PRKCE: variants seen among roughly 807,000 people sequenced by gnomAD.
The protein encoded by PRKCE is protein kinase C epsilon type.
In PRKCE, 16 loss-of-function variants were observed where a neutral mutation model predicts 85.4. The observed-to-expected ratio is 0.19, with a 90% CI of 0.13 to 0.28. The LOEUF is 0.28. Ranked by LOEUF, PRKCE falls within the 10% of genes least tolerant of loss-of-function variation. PRKCE has a pLI of 1.00. For synonymous variants in PRKCE, 388 were observed against 371.5 expected (o/e 1.04, Z -0.51); for missense variants, 573 against 975.2 (o/e 0.59, Z 5.49).
chr2:46,159,707 G>C lies in PRKCE; in HGVS notation c.2022G>C (p.Val674=), dbSNP rs746213677. 1.3e-6 allele frequency: 2 copies of C among 1,599,192 alleles called. No individual in the cohort carries two copies. The highest frequency in any genetic ancestry group is 2.7e-5 in the African/African-American group (2 of 74,910). The change falls in exon 14 of 15, where the codon GTG becomes GTC. Residue 674 remains valine (V), a synonymous_variant. Transcript: ENST00000306156. The surrounding 1 kb of genome is among the most constrained non-coding windows in gnomAD (Gnocchi z 4.1). ...CATTCTTCAAAGAGATTGACTGGGT[G>C]CTCCTGGAGCAGAAGAAGATCAAGC... ...QHPFFKEIDW[V]LLEQKKIKPP...
chr2:45,891,765 A>G (rs936808946), intron 2 of PRKCE, among the ~76,000 whole-genome samples: 3 of 152,180 alleles, frequency 2.0e-5, no homozygotes, highest in Non-Finnish European at 2.9e-5. Flanking sequence ...CCTTCTTCTC[A>G]GTCACAAGGC....
intron 2 of PRKCE, among the ~76,000 whole-genome samples, chr2:45,844,518 A>G (rs1691622396): frequency 6.6e-6 from 1 of 152,220 alleles, no homozygotes; most frequent in Non-Finnish European, 1.5e-5. Context: ...TAAGAATTAG[A>G]GCAAGCAGTG....
chr2:46,151,179 G>A lies in PRKCE; in HGVS notation c.1870G>A (p.Val624Met), dbSNP rs1310509472. 2.5e-6 allele frequency: 4 copies of A among 1,599,530 alleles called. No homozygotes were observed. The highest frequency in any genetic ancestry group is 4.5e-5 in the East Asian group (2 of 44,862). ...DLFESILHDD[V>M]LYPVWLSKEA... is the part of the protein sequence containing the mutation. ...ATTTGAGTCCATCCTCCATGACGACGTGCTGTACCCAGTCTGGCTCAGCAA... is the reference window on the plus strand; with the variant it reads ...ATTTGAGTCCATCCTCCATGACGACATGCTGTACCCAGTCTGGCTCAGCAA... Residue 624 changes from valine to methionine, a missense_variant, in exon 13 of 15, where the codon GTG becomes ATG. Physicochemically the swap from Val to Met is conservative, Grantham distance 21. Transcript: ENST00000306156.
chr2:46,173,437 C>T lies in PRKCE; in HGVS notation c.2068-11298C>T, dbSNP rs181935770. Among the ~76,000 whole-genome samples, 134 of 152,312 alleles carry T rather than the reference C, an allele frequency of 8.8e-4. 1 individual carries two copies. Among genetic ancestry groups the T allele is most frequent in the Admixed American group, 3.0e-3 (46 of 15,298 alleles). On this transcript the variant is annotated intron_variant, in intron 14 of 14. Coordinates refer to ENST00000306156, the MANE Select transcript of PRKCE (RefSeq NM_005400.3). ...CATTTAAGAAGCTTACTTTATATTC[C>T]TTACTTTTGCTTACAAATGATTGAG...
chr2:45,652,226 T>A lies in PRKCE; in HGVS notation c.126T>A (p.Ile42=), dbSNP rs753437715. ...RPQTFLLDPY[I]ALNVDDSRIG... is the part of the protein sequence containing the mutation. ...AGACTTTCCTTCTCGACCCCTACAT[T>A]GCCCTCAATGTGGACGACTCGCGCA... Residue 42 remains isoleucine (I), a synonymous_variant, in exon 1 of 15, where the codon ATT becomes ATA. Coordinates refer to ENST00000306156, the MANE Select transcript of PRKCE (RefSeq NM_005400.3). The surrounding 1 kb of genome is among the most constrained non-coding windows in gnomAD (Gnocchi z 7.7). 6.2e-7 allele frequency: 1 copy of A among 1,613,494 alleles called. No homozygotes were observed. The highest frequency in any genetic ancestry group is 8.5e-7 in the Non-Finnish European group (1 of 1,179,972).
Position 46,145,035 on chromosome 2 carries a change from G to A in PRKCE, c.1593-58G>A, listed in dbSNP as rs10495929. The A allele has an allele frequency of 0.14, 226,559 of 1,589,126 alleles. 17,133 individuals carry two copies. Among genetic ancestry groups the A allele is most frequent in the Middle Eastern group, 0.2 (1,230 of 6,020 alleles). ...AAGATAGGCACATACCTCCAACTCA[G>A]GAAGACTATATTGGGGTGAGTGACG... On this transcript the variant is annotated intron_variant, in intron 11 of 14. Transcript: ENST00000306156. This position sits in a 1 kb window ranked among gnomAD's most constrained non-coding sequence, Gnocchi z 4.6.
chr2:45,979,109 G>C, intron 4 of PRKCE, 99 bp downstream of exon 4: 1 of 1,115,740 alleles, frequency 9.0e-7, no homozygotes, highest in Non-Finnish European at 1.3e-6. Flanking sequence ...GACATTTGGA[G>C]GCTCTCCACA....
intron 2 of PRKCE, among the ~76,000 whole-genome samples, chr2:45,903,649 C>G (rs1696734198): frequency 6.6e-6 from 1 of 152,158 alleles, no homozygotes; most frequent in Non-Finnish European, 1.5e-5. Context: ...ATTTTTATCT[C>G]CTGTCTGGTA....
At chr2:45,880,288 T>C (rs1386893443) in intron 2 of PRKCE, among the ~76,000 whole-genome samples, 1 of 152,260 alleles carries the variant, frequency 6.6e-6, no homozygotes, top group Non-Finnish European at 1.5e-5. Flanking sequence ...CTTGGTTGAT[T>C]CCATATCTTG....
chr2:46,183,420 A>G (rs1308162741), intron 14 of PRKCE, among the ~76,000 whole-genome samples: 3 of 152,244 alleles, frequency 2.0e-5, no homozygotes, highest in Non-Finnish European at 2.9e-5. Flanking sequence ...TACAAATAAT[A>G]ATGTGAATCT....
At chr2:46,135,773 T>TTTTTTTA (rs1489261334) in intron 11 of PRKCE, among the ~76,000 whole-genome samples, 11 of 122,812 alleles carry the variant, frequency 9.0e-5, no homozygotes, top group African/African-American at 3.3e-4. Flanking sequence ...TTTTTTTTTT[T>TTTTTTTA]AATGTAGGGG....
rs185615782 is a variant in PRKCE at position 46,174,808 on chromosome 2, G to A, written c.2068-9927G>A. ...GGACTCAAGCCAACCTCACACCTCC[G>A]CCTCCTGAGTAGCTGGGACTACAGG... On this transcript the variant is annotated intron_variant, in intron 14 of 14. Coordinates refer to ENST00000306156, the MANE Select transcript of PRKCE (RefSeq NM_005400.3). Among the ~76,000 whole-genome samples the A allele has an allele frequency of 5.6e-3, 856 of 152,032 alleles. 4 individuals carry two copies. Among genetic ancestry groups the A allele is most frequent in the Non-Finnish European group, 9.1e-3 (620 of 67,960 alleles).
At chr2:45,677,020 T>C (rs1005644886) in intron 1 of PRKCE, 1 of 151,210 alleles carries the variant, frequency 6.6e-6, no homozygotes, top group Admixed American at 6.6e-5. Flanking sequence ...AAACTAGACA[T>C]GGGGAGTTGG....
At chr2:45,708,555 G>GCTC (rs990703162) in intron 1 of PRKCE, among the ~76,000 whole-genome samples, 1 of 152,200 alleles carries the variant, frequency 6.6e-6, no homozygotes, top group African/African-American at 2.4e-5. Flanking sequence ...GATGTGACTT[G>GCTC]CTCCTCCTTG....
chr2:45,714,786 C>T (rs773706449), intron 1 of PRKCE, among the ~76,000 whole-genome samples: 1 of 152,196 alleles, frequency 6.6e-6, no homozygotes, highest in African/African-American at 2.4e-5. Flanking sequence ...TCCAGCCTGT[C>T]CTGAAATCTC....
At chr2:46,089,082 G>T (rs1669915941) in intron 11 of PRKCE, among the ~76,000 whole-genome samples, 1 of 152,136 alleles carries the variant, frequency 6.6e-6, no homozygotes, top group African/African-American at 2.4e-5. Flanking sequence ...GCTTCTATGA[G>T]CCATTCTCTT....
At chr2:45,729,660 T>C (rs935439931) in intron 1 of PRKCE, among the ~76,000 whole-genome samples, 2 of 152,216 alleles carry the variant, frequency 1.3e-5, no homozygotes, top group South Asian at 2.1e-4. Context: ...GTACTAGAGA[T>C]TCTAGGCTGT....
intron 2 of PRKCE, among the ~76,000 whole-genome samples, chr2:45,886,703 A>G (rs1429120212): frequency 6.6e-6 from 1 of 152,208 alleles, no homozygotes; most frequent in Non-Finnish European, 1.5e-5. Flanking sequence ...TAAAGGAAGC[A>G]TTGCACTTCG....
intron 1 of PRKCE, among the ~76,000 whole-genome samples, chr2:45,653,441 T>C (rs1675238252): frequency 6.7e-6 from 1 of 149,528 alleles, no homozygotes; most frequent in Non-Finnish European, 1.5e-5. Flanking sequence ...TGGATTTTTG[T>C]GTTTTCAGGT....
Sources: allele counts gnomAD v4.1 joint callset (sites outside exome capture counted in the v4.1 genomes callset), GRCh38; gene constraint gnomAD v4.1.1; non-coding constraint Gnocchi (gnomAD v3.1); transcripts MANE v1.5; gene names NCBI Gene and HGNC (gene_info 2026-07-23, HGNC 2026-07-21).